The following VPS13C variants were observed in gnomAD, a reference collection of about 807,000 sequenced individuals.
VPS13C encodes the protein vacuolar protein sorting 13 homolog C.
In VPS13C, 358 loss-of-function variants were observed where a neutral mutation model predicts 456.8. That is an observed-to-expected ratio of 0.78 (90% CI 0.72 to 0.86). The LOEUF (loss-of-function observed/expected upper bound fraction) is 0.86. VPS13C is among the 40% of genes least tolerant of loss of function. VPS13C has a pLI of 0.00. For missense variants in VPS13C, 4,818 were observed against 4,385.4 expected, an observed-to-expected ratio of 1.10 and a Z score of -2.79; for synonymous variants, 1,578 against 1,486.7, an observed-to-expected ratio of 1.06 and a Z score of -1.41.
chr15:62,018,643 G>C (rs1158701326), intron 9 of VPS13C, among the ~76,000 whole-genome samples: 2 of 151,842 alleles, frequency 1.3e-5, no homozygotes, highest in Admixed American at 1.3e-4. Flanking sequence ...AAGCCTTCTT[G>C]TCCATGGTGG....
intron 66 of VPS13C, among the ~76,000 whole-genome samples, chr15:61,905,516 A>C (rs926170585): frequency 1.4e-4 from 22 of 152,210 alleles, no homozygotes; most frequent in Non-Finnish European, 2.4e-4. Flanking sequence ...AAAAGTTCAC[A>C]GACTTTGAAG....
chr15:62,047,665 A>C (rs530858835), intron 1 of VPS13C, among the ~76,000 whole-genome samples: 1 of 152,288 alleles, frequency 6.6e-6, no homozygotes, highest in East Asian at 1.9e-4. Context: ...CAGTGTAAAG[A>C]GGTAAAAGTG....
intron 16 of VPS13C, among the ~76,000 whole-genome samples, chr15:61,993,519 A>G (rs567992378): frequency 1.3e-5 from 2 of 152,242 alleles, no homozygotes; most frequent in East Asian, 3.9e-4. Context: ...AAACCTTTAA[A>G]AGAAAGATAA....
Position 61,867,302 on chromosome 15 carries a change from C to T in VPS13C, c.10863+1357G>A. ...TATAACATAATTATAAAATGGCTAT[C>T]ATTTATTTAGCAACAGTACCAAGGG... On this transcript the variant is annotated intron_variant, in intron 81 of 84. Transcript: ENST00000644861. This position sits in a 1 kb window ranked among gnomAD's most constrained non-coding sequence, Gnocchi z 5.0. The T allele has an allele frequency of 1.0e-6, 1 of 984,772 alleles. No individual in the cohort carries two copies. Among genetic ancestry groups the T allele is most frequent in the Non-Finnish European group, 1.2e-6 (1 of 829,444 alleles). 61.0% of individuals were successfully genotyped at this position (984,772 alleles called of 1,614,324 possible).
intron 27 of VPS13C, 140 bp downstream of exon 27, chr15:61,972,481 AGTGT>A: frequency 1.5e-6 from 1 of 656,104 alleles, no homozygotes; most frequent in Non-Finnish European, 2.5e-6. Context: ...TGTGTGTGAG[AGTGT>A]GTATGTGCAT....
chr15:61,873,152 A>C, intron 78 of VPS13C, 94 bp downstream of exon 78: 1 of 1,549,238 alleles, frequency 6.5e-7, no homozygotes, highest in Admixed American at 1.8e-5. Flanking sequence ...CTACAGGCCT[A>C]GACTCATAAG....
At position 61,929,747 on chromosome 15, in the gene VPS13C, T is replaced by C. The variant is rs1406972762; in HGVS notation, c.6040A>G (p.Met2014Val). The C allele has an allele frequency of 1.2e-6, 2 of 1,606,664 alleles. No homozygotes were observed. The highest frequency in any genetic ancestry group is 1.1e-5 in the South Asian group (1 of 90,188). Residue 2014 changes from methionine (M) to valine (V), a missense_variant and splice_region_variant, in exon 51 of 85, where the codon ATG (methionine) becomes GTG (valine). This residue lies in a region of VPS13C where 4,552 missense variants were observed against 4,130.6 expected (regional missense o/e 1.10). Transcript: ENST00000644861. ...TCTTGGTCATTCTTTCTGTCAATCA[T>C]TCTGAAAAAAAACATGCTATTCATT... is the stretch of plus-strand genomic sequence containing the variant. Reference protein sequence around the residue: ...REGIERATSRMIDRKNDQDNN... With the variant: ...REGIERATSRVIDRKNDQDNN...
intron 67 of VPS13C, 79 bp from the exon 68 acceptor site, chr15:61,884,348 T>C: frequency 7.1e-7 from 1 of 1,416,576 alleles, no homozygotes; most frequent in Non-Finnish European, 9.6e-7. Flanking sequence ...CAGATTATTG[T>C]AACTATTATT....
At chr15:61,863,568 A>G (rs765086215) in intron 81 of VPS13C, 40 bp from the exon 82 acceptor site, 2 of 1,418,972 alleles carry the variant, frequency 1.4e-6, no homozygotes, top group Admixed American at 3.4e-5. Flanking sequence ...GAAGTTATGC[A>G]TTTAAGTAGT....
intron 4 of VPS13C, among the ~76,000 whole-genome samples, chr15:62,033,883 T>A (rs1353448135): frequency 6.6e-6 from 1 of 151,648 alleles, no homozygotes; most frequent in Non-Finnish European, 1.5e-5. Context: ...AAATCTGGAA[T>A]AATTTAATAT....
intron 61 of VPS13C, among the ~76,000 whole-genome samples, chr15:61,913,890 A>G (rs2043379177): frequency 6.6e-6 from 1 of 152,162 alleles, no homozygotes; most frequent in Non-Finnish European, 1.5e-5. Context: ...TGAGCTTCCA[A>G]CTAGACAGAG....
intron 65 of VPS13C, among the ~76,000 whole-genome samples, chr15:61,907,752 A>G (rs1349828770): frequency 6.6e-6 from 1 of 152,162 alleles, no homozygotes; most frequent in Non-Finnish European, 1.5e-5. Context: ...TTAAATTTAA[A>G]CATATTTTTT....
chr15:61,989,317 C>T (rs1190865542), intron 18 of VPS13C, among the ~76,000 whole-genome samples: 2 of 151,940 alleles, frequency 1.3e-5, no homozygotes, highest in Non-Finnish European at 2.9e-5. Context: ...AGGAGACTCA[C>T]TTCAACCCAG....
chr15:61,901,861 C>A (rs1269543255), intron 66 of VPS13C, among the ~76,000 whole-genome samples: 1 of 151,996 alleles, frequency 6.6e-6, no homozygotes, highest in African/African-American at 2.4e-5. Flanking sequence ...CGGAACCAAC[C>A]CAAATGTCCA....
At chr15:61,928,692 A>C (rs370239566) in intron 51 of VPS13C, among the ~76,000 whole-genome samples, 1 of 151,944 alleles carries the variant, frequency 6.6e-6, no homozygotes, top group African/African-American at 2.4e-5. Context: ...CCAGCCTGGG[A>C]AACATGGCGA....
Position 61,907,321 on chromosome 15 carries a change from A to G in VPS13C, c.9048T>C (p.Gly3016=). The change falls in exon 66 of 85, where the codon GGT becomes GGC. Residue 3016 remains glycine, a synonymous_variant. Coordinates refer to ENST00000644861, the MANE Select transcript of VPS13C (RefSeq NM_020821.3). ...CATATGTCCATGTAAGTTTTCTGGT[A>G]CCAGTAGGATCTGCCCAGGCAAAAA... The part of the protein sequence containing the change: ...ARLFAWADPT[G]TRKLTWTYAA... 1 of 1,614,042 alleles carries G rather than the reference A, an allele frequency of 6.2e-7. No individual in the cohort carries two copies. The highest frequency in any genetic ancestry group is 1.7e-4 in the Middle Eastern group (1 of 6,060).
At chr15:61,979,776 G>A (rs2045817997) in intron 22 of VPS13C, among the ~76,000 whole-genome samples, 1 of 152,142 alleles carries the variant, frequency 6.6e-6, no homozygotes, top group Non-Finnish European at 1.5e-5. Context: ...ATCAACAGAA[G>A]CCAAAACAAG....
intron 53 of VPS13C, among the ~76,000 whole-genome samples, chr15:61,924,211 G>A (rs931700038): frequency 8.5e-5 from 13 of 152,212 alleles, no homozygotes; most frequent in African/African-American, 3.1e-4. Flanking sequence ...CTGCCTTTGT[G>A]CATATTATCA....
intron 16 of VPS13C, among the ~76,000 whole-genome samples, chr15:61,999,617 A>C (rs2046529185): frequency 6.6e-6 from 1 of 152,026 alleles, no homozygotes; most frequent in Non-Finnish European, 1.5e-5. Context: ...TTTTTGTTTT[A>C]TTTATCTATA....
Sources: allele counts gnomAD v4.1 joint callset (sites outside exome capture counted in the v4.1 genomes callset), GRCh38; gene constraint gnomAD v4.1.1; regional missense constraint gnomAD v4.1.1; non-coding constraint Gnocchi (gnomAD v3.1); transcripts MANE v1.5; gene names NCBI Gene and HGNC (gene_info 2026-07-23, HGNC 2026-07-21).